The following DMD variants were observed in gnomAD, a reference collection of about 807,000 sequenced individuals.
DMD encodes mutant dystrophin.
DMD carries 63 observed loss-of-function variants against 330.1 expected under a neutral mutation model. That is an observed-to-expected ratio of 0.19 (90% CI 0.16 to 0.24). The LOEUF is 0.24. Ranked by LOEUF, DMD falls within the 10% of genes least tolerant of loss-of-function variation. DMD has a pLI of 1.00. For missense variants in DMD, 3,344 were observed against 2,684.1 expected, an observed-to-expected ratio of 1.25 and a Z score of -5.43; for synonymous variants, 1,223 against 959.8, an observed-to-expected ratio of 1.27 and a Z score of -5.07.
chrX:32,380,393 A>G (rs2147467512), intron 34 of DMD, 117 bp downstream of exon 34: 2 of 700,568 alleles, frequency 2.9e-6, no homozygotes, highest in East Asian at 3.5e-5. Context: ...GAAAGGGAAT[A>G]TGAAACAATA....
intron 17 of DMD, among the ~76,000 whole-genome samples, chrX:32,541,444 T>A (rs768909591): frequency 8.9e-6 from 1 of 112,303 alleles, no homozygotes; most frequent in Non-Finnish European, 1.9e-5. Context: ...TATTAAATGC[T>A]TATTTAATCC....
At position 32,432,765 on chromosome X, in the gene DMD, A is replaced by G. The variant is rs148352552; in HGVS notation, c.4071+5476T>C. On this transcript the variant is annotated intron_variant, in intron 29 of 78. Transcript: ENST00000357033. ...AGCATAATATGCCACTTATTTTCCT[A>G]GATTACTTTATAGTCTTCCTTCAAG... Among the ~76,000 whole-genome samples the G allele has an allele frequency of 8.1e-3, 912 of 112,230 alleles. 8 individuals carry two copies. Among genetic ancestry groups the G allele is most frequent in the South Asian group, 0.048 (132 of 2,729 alleles).
chrX:32,492,226 T>C (rs980500290), intron 19 of DMD, among the ~76,000 whole-genome samples: 2 of 111,309 alleles, frequency 1.8e-5, no homozygotes, highest in Non-Finnish European at 3.8e-5. Flanking sequence ...GGGTTCCAGC[T>C]ACTCGGGAGG....
At chrX:32,989,890 G>C (rs774436596) in intron 2 of DMD, among the ~76,000 whole-genome samples, 1 of 111,484 alleles carries the variant, frequency 9.0e-6, no homozygotes, top group South Asian at 3.7e-4. Flanking sequence ...CTTAGCTGTA[G>C]GGCCAGAATC....
At chrX:32,383,415 A>T (rs2097938137) in intron 33 of DMD, among the ~76,000 whole-genome samples, 1 of 111,686 alleles carries the variant, frequency 9.0e-6, no homozygotes, top group Non-Finnish European at 1.9e-5. Context: ...ATAATGTAAT[A>T]ACATTTCCTT....
Position 31,801,381 on chromosome X carries a change from CA to C in DMD, c.7309+18593del, listed in dbSNP as rs746135568. ...ATTACTTCCCCCTGGGTCCCTCCCA[CA>C]ACACATGGGAATTACAGGGATTACA... On this transcript the variant is annotated intron_variant, in intron 50 of 78. Coordinates refer to ENST00000357033, the MANE Select transcript of DMD (RefSeq NM_004006.3). Among the ~76,000 whole-genome samples the C allele has an allele frequency of 2.2e-4, 24 of 111,537 alleles. 1 individual carries two copies. The East Asian group carries it at 5.7e-3, about 26-fold the overall frequency.
intron 44 of DMD, among the ~76,000 whole-genome samples, chrX:32,021,774 T>A (rs974441790): frequency 8.9e-6 from 1 of 112,406 alleles, no homozygotes; most frequent in Non-Finnish European, 1.9e-5. Context: ...TCCTATTACA[T>A]TAATTTCTCT....
chrX:31,290,529 C>T lies in DMD; in HGVS notation c.9225-29513G>A, dbSNP rs111715037. Among the ~76,000 whole-genome samples, 932 of 111,790 alleles carry T rather than the reference C, an allele frequency of 8.3e-3. 3 individuals are homozygous for T. Among genetic ancestry groups the T allele is most frequent in the Non-Finnish European group, 0.014 (718 of 53,144 alleles). Reference sequence around the variant, plus strand: ...CAGTTATACATATCTTATTAGTCTACAAGACTTTAGACTACAAGGACAGTA... The same window carrying T: ...CAGTTATACATATCTTATTAGTCTATAAGACTTTAGACTACAAGGACAGTA... On this transcript the variant is annotated intron_variant, in intron 62 of 78. Transcript: ENST00000357033.
At chrX:32,503,616 C>T (rs754762820) in intron 18 of DMD, among the ~76,000 whole-genome samples, 4 of 111,320 alleles carry the variant, frequency 3.6e-5, no homozygotes, top group South Asian at 3.7e-4. Flanking sequence ...AGTGCAGTGG[C>T]ATGATCTCAG....
chrX:31,258,303 C>A (rs755987840), intron 63 of DMD, among the ~76,000 whole-genome samples: 98 of 112,464 alleles, frequency 8.7e-4, no homozygotes, highest in African/African-American at 3.1e-3. Flanking sequence ...TACCATCCAC[C>A]ATGCAGGTTG....
intron 1 of DMD, among the ~76,000 whole-genome samples, chrX:33,226,920 T>C (rs1396252872): frequency 9.1e-6 from 1 of 109,749 alleles, no homozygotes; most frequent in Non-Finnish European, 1.9e-5. Flanking sequence ...TGAAGCCTGA[T>C]GGAGATTAGG....
At chrX:31,178,459 A>C in intron 70 of DMD, 1 of 921,193 alleles carries the variant, frequency 1.1e-6, no homozygotes, top group African/African-American at 2.1e-5. Context: ...CCCCTGTGAG[A>C]TAAAGTTTAA....
intron 34 of DMD, among the ~76,000 whole-genome samples, chrX:32,375,488 C>A (rs1199514062): frequency 1.8e-5 from 2 of 111,924 alleles, no homozygotes; most frequent in Non-Finnish European, 3.8e-5. Flanking sequence ...GGAAAAATCC[C>A]AAGCATTTGC....
intron 54 of DMD, among the ~76,000 whole-genome samples, chrX:31,646,404 C>T (rs2080104141): frequency 1.8e-5 from 2 of 111,380 alleles, no homozygotes; most frequent in African/African-American, 6.5e-5. Flanking sequence ...ATAGAAATAA[C>T]TTGGAGGCCT....
chrX:31,292,771 C>T (rs780927089), intron 62 of DMD, among the ~76,000 whole-genome samples: 8 of 112,014 alleles, frequency 7.1e-5, no homozygotes, highest in Non-Finnish European at 1.9e-5. Flanking sequence ...TATCAAATTG[C>T]AATGAAAATG....
intron 64 of DMD, among the ~76,000 whole-genome samples, chrX:31,216,418 A>G (rs2045413627): frequency 8.9e-6 from 1 of 112,646 alleles, no homozygotes; most frequent in Non-Finnish European, 1.9e-5. Flanking sequence ...TCTCTTGGGC[A>G]CTAATATCTG....
chrX:31,225,223 T>G (rs12847618), intron 63 of DMD, among the ~76,000 whole-genome samples: 1 of 111,877 alleles, frequency 8.9e-6, no homozygotes, highest in Non-Finnish European at 1.9e-5. Context: ...AGCTACACTG[T>G]AGAGGTGGTC....
At chrX:31,292,132 GAACT>G (rs2053747793) in intron 62 of DMD, among the ~76,000 whole-genome samples, 1 of 110,899 alleles carries the variant, frequency 9.0e-6, no homozygotes, top group Non-Finnish European at 1.9e-5. Context: ...TTAAAGTTAA[GAACT>G]ATCAATCAAA....
At chrX:32,454,519 AATTAAAATT>A (rs1358657228) in intron 26 of DMD, 134 bp downstream of exon 26, 5 of 481,549 alleles carry the variant, frequency 1.0e-5, no homozygotes, top group Non-Finnish European at 1.7e-5. Context: ...CTTGAAGCTA[AATTAAAATT>A]ATTAATTAAA....
Sources: allele counts gnomAD v4.1 joint callset (sites outside exome capture counted in the v4.1 genomes callset), GRCh38; gene constraint gnomAD v4.1.1; transcripts MANE v1.5; gene names NCBI Gene and HGNC (gene_info 2026-07-23, HGNC 2026-07-21).